The following DMD variants were observed in gnomAD, a reference collection of about 807,000 sequenced individuals.
The protein encoded by DMD is mutant dystrophin.
A neutral mutation model predicts 330.1 loss-of-function variants in DMD; 63 were observed. The observed-to-expected ratio is 0.19, with a 90% CI of 0.16 to 0.24. DMD has a LOEUF of 0.24. Ranked by LOEUF, DMD falls within the 10% of genes least tolerant of loss-of-function variation. The pLI is 1.00. For missense variants in DMD, 3,344 were observed against 2,684.1 expected (o/e 1.25, Z -5.43); for synonymous variants, 1,223 against 959.8 (o/e 1.27, Z -5.07).
At chrX:32,820,074 T>A (rs764935087) in intron 5 of DMD, among the ~76,000 whole-genome samples, 2 of 111,135 alleles carry the variant, frequency 1.8e-5, no homozygotes, top group Admixed American at 9.6e-5. Context: ...ATAAGAGAGG[T>A]CTCAGACAAA....
intron 15 of DMD, among the ~76,000 whole-genome samples, chrX:32,571,065 C>T (rs1488128775): frequency 9.0e-6 from 1 of 111,454 alleles, no homozygotes; most frequent in Non-Finnish European, 1.9e-5. Context: ...TTCCCTTTTC[C>T]TTGAATCTGG....
intron 17 of DMD, among the ~76,000 whole-genome samples, chrX:32,521,355 T>G (rs935688223): frequency 8.9e-6 from 1 of 111,856 alleles, no homozygotes; most frequent in East Asian, 2.8e-4. Context: ...TTTTTCTTCC[T>G]TTGGCTTCAT....
rs142552829 is a variant in DMD, at chrX:32,481,691, C to T, written c.2803+3228G>A. On this transcript the variant is annotated intron_variant, in intron 21 of 78. Coordinates refer to ENST00000357033, the MANE Select transcript of DMD (RefSeq NM_004006.3). ...ATCATATAGCTGGCACCTGCACATTCTCCAGGTTTGGTTCTAACATCATCT... is the reference window on the plus strand; with the variant it reads ...ATCATATAGCTGGCACCTGCACATTTTCCAGGTTTGGTTCTAACATCATCT... Among the ~76,000 whole-genome samples the T allele has an allele frequency of 9.5e-3, 1,063 of 111,775 alleles. 20 individuals are homozygous for T. The highest frequency in any genetic ancestry group is 0.032 in the African/African-American group (1,000 of 30,882).
chrX:32,100,462 G>A (rs1387974128), intron 44 of DMD, among the ~76,000 whole-genome samples: 1 of 108,569 alleles, frequency 9.2e-6, no homozygotes, highest in Admixed American at 1.0e-4. Context: ...TAAAGCCTTG[G>A]AGCCATGTTT....
At chrX:32,603,928 G>C (rs1315129737) in intron 12 of DMD, among the ~76,000 whole-genome samples, 1 of 111,290 alleles carries the variant, frequency 9.0e-6, no homozygotes, top group East Asian at 2.8e-4. Context: ...GACATGCAAA[G>C]AACTGGTACC....
intron 2 of DMD, among the ~76,000 whole-genome samples, chrX:32,979,052 C>T (rs76433572): frequency 0.045 from 5,090 of 112,029 alleles, 145 homozygotes; most frequent in East Asian, 0.17. Context: ...TTATAATTTA[C>T]AAGTTCTTAG....
intron 17 of DMD, among the ~76,000 whole-genome samples, chrX:32,525,272 T>A (rs2046837617): frequency 8.9e-6 from 1 of 112,216 alleles, no homozygotes; most frequent in African/African-American, 3.2e-5. Context: ...ACTCTAATAC[T>A]TAACATGTAC....
chrX:32,734,811 C>G (rs1231034304), intron 7 of DMD, among the ~76,000 whole-genome samples: 3 of 105,487 alleles, frequency 2.8e-5, no homozygotes, highest in African/African-American at 3.6e-5. Flanking sequence ...CAATATCATA[C>G]TGAATGGGCA....
At chrX:32,230,005 TTATTC>T (rs2097163205) in intron 43 of DMD, among the ~76,000 whole-genome samples, 1 of 109,336 alleles carries the variant, frequency 9.1e-6, no homozygotes, top group Non-Finnish European at 1.9e-5. Flanking sequence ...TTTAAAGAAT[TTATTC>T]TACTCTAATT....
At chrX:32,741,475 ATTG>A (rs1430149173) in intron 7 of DMD, among the ~76,000 whole-genome samples, 2 of 111,665 alleles carry the variant, frequency 1.8e-5, no homozygotes, top group African/African-American at 6.5e-5. Context: ...TGGCACATAT[ATTG>A]TTGTCGTTAA....
At chrX:31,472,304 T>C (rs1229837321) in intron 59 of DMD, among the ~76,000 whole-genome samples, 1 of 111,924 alleles carries the variant, frequency 8.9e-6, no homozygotes. Flanking sequence ...CCTAATTCTA[T>C]AAGAAAAGAT....
At chrX:32,254,099 T>C (rs998165673) in intron 43 of DMD, among the ~76,000 whole-genome samples, 1 of 111,667 alleles carries the variant, frequency 9.0e-6, no homozygotes, top group African/African-American at 3.3e-5. Flanking sequence ...TGGAGGGCAG[T>C]GGCATGATCT....
At chrX:32,647,472 A>C (rs1162718768) in intron 9 of DMD, among the ~76,000 whole-genome samples, 1 of 111,633 alleles carries the variant, frequency 9.0e-6, no homozygotes, top group Non-Finnish European at 1.9e-5. Context: ...TGCAGCAAGA[A>C]GGCAATTTTT....
At chrX:32,345,001 G>A (rs1188478328) in intron 39 of DMD, among the ~76,000 whole-genome samples, 1 of 111,286 alleles carries the variant, frequency 9.0e-6, no homozygotes, top group Non-Finnish European at 1.9e-5. Flanking sequence ...GCACAATATT[G>A]TGTAATTACA....
At chrX:31,563,053 C>CTATT (rs10538343) in intron 55 of DMD, among the ~76,000 whole-genome samples, 127 of 108,723 alleles carry the variant, frequency 1.2e-3, no homozygotes, top group Middle Eastern at 9.4e-3. Flanking sequence ...CAATTTGTAT[C>CTATT]TATTTATTTA....
intron 48 of DMD, among the ~76,000 whole-genome samples, chrX:31,858,588 T>C (rs1337052671): frequency 2.3e-5 from 1 of 42,612 alleles, no homozygotes; most frequent in East Asian, 4.2e-4. Context: ...ACTTAAAGTA[T>C]AATAAAAAAA....
intron 1 of DMD, among the ~76,000 whole-genome samples, chrX:33,025,847 C>A (rs368405490): frequency 7.9e-4 from 89 of 112,051 alleles, no homozygotes; most frequent in African/African-American, 2.6e-3. Flanking sequence ...GCATGAGCCA[C>A]CACATTCGGC....
intron 7 of DMD, among the ~76,000 whole-genome samples, chrX:32,719,244 G>C (rs2039110159): frequency 8.9e-6 from 1 of 111,825 alleles, no homozygotes; most frequent in African/African-American, 3.2e-5. Context: ...AAGATAGACT[G>C]GTTGGAAGCA....
At chrX:32,120,232 T>G (rs1157849987) in intron 44 of DMD, among the ~76,000 whole-genome samples, 1 of 112,333 alleles carries the variant, frequency 8.9e-6, no homozygotes, top group East Asian at 2.8e-4. Context: ...TTATATGGTT[T>G]CTTATAGCCT....
Sources: gnomAD v4.1 joint callset for allele counts (sites outside exome capture counted in the v4.1 genomes callset) on GRCh38, gnomAD v4.1.1 for gene constraint, MANE v1.5 for transcripts, NCBI Gene and HGNC (gene_info 2026-07-23, HGNC 2026-07-21) for gene names.